The following RPL28 variants were observed in gnomAD, a reference collection of about 807,000 sequenced individuals.
The protein encoded by RPL28 is ribosomal protein L28.
A neutral mutation model predicts 12.5 loss-of-function variants in RPL28; 4 were observed. The observed-to-expected ratio is 0.32, with a 90% CI of 0.16 to 0.73. The LOEUF is 0.73. Ranked by LOEUF, RPL28 falls within the 30% of genes least tolerant of loss-of-function variation. The pLI is 0.66. For synonymous variants in RPL28, 91 were observed against 72.5 expected (o/e 1.26, Z -1.30); for missense variants, 214 against 197.7 (o/e 1.08, Z -0.49).
At chr19:55,392,146 G>A (rs1489696592), downstream of RPL28, 1 of 985,446 alleles carries the variant, frequency 1.0e-6, no homozygotes, top group Non-Finnish European at 1.2e-6. Context: ...AGAGTATGCA[G>A]GGGAAGAAAA....
chr19:55,391,921 T>C lies in RPL28; in HGVS notation c.*3589T>C, dbSNP rs764472663. Reference sequence around the variant, plus strand: ...TGGTGGCTCCAGGTCTGCCCCGCCGTCCTGTGGGGCTGTGAGCTTTCCCAG... The same window carrying C: ...TGGTGGCTCCAGGTCTGCCCCGCCGCCCTGTGGGGCTGTGAGCTTTCCCAG... On this transcript the variant is annotated 3_prime_UTR_variant, in exon 5 of 5. Coordinates refer to ENST00000344063, the MANE Select transcript of RPL28 (RefSeq NM_000991.5). The C allele has an allele frequency of 5.3e-5, 68 of 1,289,188 alleles. No individual in the cohort carries two copies. The highest frequency in any genetic ancestry group is 6.5e-5 in the Non-Finnish European group (66 of 1,013,386). 79.9% of individuals were successfully genotyped at this position (1,289,188 alleles called of 1,614,324 possible).
Position 55,389,004 on chromosome 19 carries a change from C to T in RPL28, c.*672C>T, listed in dbSNP as rs1569041836. On this transcript the variant is annotated 3_prime_UTR_variant, in exon 5 of 5. Coordinates refer to ENST00000344063, the MANE Select transcript of RPL28 (RefSeq NM_000991.5). Reference sequence around the variant, plus strand: ...AGGTGTCCCCATCCCTCCCCTGTCTCTTTGAGCTGGCTCTTGTCACTTAGG... The same window carrying T: ...AGGTGTCCCCATCCCTCCCCTGTCTTTTTGAGCTGGCTCTTGTCACTTAGG... 1 of 985,448 alleles carries T rather than the reference C, an allele frequency of 1.0e-6. No homozygotes were observed. Among genetic ancestry groups the T allele is most frequent in the African/African-American group, 1.7e-5 (1 of 57,232 alleles). The allele number at this position is 985,448 out of a possible 1,614,324, so 61.0% of individuals were successfully genotyped here. A position where few individuals can be genotyped will look rare whatever the true frequency, so the allele number is the denominator to read the frequency against.
Position 55,387,607 on chromosome 19 carries a change from A to G in RPL28, c.206-323A>G, listed in dbSNP as rs1283311550. 5.7e-6 allele frequency: 8 copies of G among 1,400,698 alleles called. No individual in the cohort carries two copies. The South Asian group carries it at 9.9e-5, about 17-fold the overall frequency. 86.8% of individuals were successfully genotyped at this position (1,400,698 alleles called of 1,614,324 possible). A position where few individuals can be genotyped will look rare whatever the true frequency, so the allele number is the denominator to read the frequency against. ...GGTTCCTGGGAAGCTGTTCATACCCATTGCCAGGAGCGTGGGCTCTGGCTG... is the reference window on the plus strand; with the variant it reads ...GGTTCCTGGGAAGCTGTTCATACCCGTTGCCAGGAGCGTGGGCTCTGGCTG... On this transcript the variant is annotated intron_variant, in intron 3 of 4. Coordinates refer to ENST00000344063, the MANE Select transcript of RPL28 (RefSeq NM_000991.5).
intron 2 of RPL28, 25 bp from the exon 3 acceptor site, chr19:55,386,545 A>G (rs369376416): frequency 2.1e-5 from 33 of 1,600,770 alleles, no homozygotes; most frequent in Middle Eastern, 1.7e-4. Context: ...CTTATTCACG[A>G]TGCCTTGTGC....
intron 1 of RPL28, 184 bp downstream of exon 1, chr19:55,386,149 G>C: frequency 1.7e-6 from 1 of 580,132 alleles, no homozygotes; most frequent in East Asian, 2.8e-5. Flanking sequence ...AGCTAGTCTC[G>C]GCTGCCTGAA....
At position 55,391,444 on chromosome 19, in the gene RPL28, C is replaced by CTGCATG; in HGVS notation, c.*3112_*3113insTGCATG. 1 of 1,346,402 alleles carries CTGCATG rather than the reference C, an allele frequency of 7.4e-7. No individual in the cohort carries two copies. Among genetic ancestry groups the CTGCATG allele is most frequent in the Non-Finnish European group, 9.6e-7 (1 of 1,041,860 alleles). 83.4% of individuals were successfully genotyped at this position (1,346,402 alleles called of 1,614,324 possible). On this transcript the variant is annotated 3_prime_UTR_variant, in exon 5 of 5. Transcript: ENST00000344063. Reference sequence around the variant, plus strand: ...GTCCAGTAGCTGCATGGTGAGTGAGCGTAGGGCGCACCCTGGAAGGCTGCC... The same window carrying CTGCATG: ...GTCCAGTAGCTGCATGGTGAGTGAGCTGCATGGTAGGGCGCACCCTGGAAGGCTGCC...
chr19:55,398,793 C>G (rs548440381), intron 4 of RPL28, among the ~76,000 whole-genome samples: 1 of 149,970 alleles, frequency 6.7e-6, no homozygotes, highest in South Asian at 2.1e-4. Flanking sequence ...TCTCTGCCTC[C>G]TGGGTTGAAG....
At chr19:55,399,866 A>T (rs1163542595) in intron 4 of RPL28, 1 of 152,208 alleles carries the variant, frequency 6.6e-6, no homozygotes, top group Non-Finnish European at 1.5e-5. Context: ...GAAATGGTTG[A>T]CGATAAACGC....
At position 55,388,827 on chromosome 19, in the gene RPL28, TTGGAGGGGA is replaced by T; in HGVS notation, c.*499_*507del. On this transcript the variant is annotated 3_prime_UTR_variant, in exon 5 of 5. Coordinates refer to ENST00000344063, the MANE Select transcript of RPL28 (RefSeq NM_000991.5). ...ATCCAGGGAGTGGGTGCAGCCACAT[TTGGAGGGGA>T]TGGGCTTTACTTGATGCAACCTCAT... 1.0e-6 allele frequency: 1 copy of T among 987,930 alleles called. No homozygotes were observed. Among genetic ancestry groups the T allele is most frequent in the Non-Finnish European group, 1.2e-6 (1 of 831,724 alleles). The allele number at this position is 987,930 out of a possible 1,614,324, so 61.2% of individuals were successfully genotyped here.
chr19:55,387,381 C>T (rs940595516), intron 3 of RPL28: 73 of 1,551,212 alleles, frequency 4.7e-5, no homozygotes, highest in East Asian at 3.9e-4. Context: ...GCTAGTGATC[C>T]TCCTGTCTCA....
chr19:55,390,679 C>T lies in RPL28; in HGVS notation c.*2347C>T. 3.0e-6 allele frequency: 3 copies of T among 985,422 alleles called. No homozygotes were observed. The highest frequency in any genetic ancestry group is 3.6e-6 in the Non-Finnish European group (3 of 829,952). The allele number at this position is 985,422 out of a possible 1,614,324, so 61.0% of individuals were successfully genotyped here. ...CCGTAACACAGCCCAGCTTAGTGGGCCTCTGTTCCTGCGGGTGGCCAGCCT... is the reference window on the plus strand; with the variant it reads ...CCGTAACACAGCCCAGCTTAGTGGGTCTCTGTTCCTGCGGGTGGCCAGCCT... On this transcript the variant is annotated 3_prime_UTR_variant, in exon 5 of 5. Transcript: ENST00000344063.
intron 4 of RPL28, chr19:55,402,795 G>A (rs538326443): frequency 5.5e-4 from 352 of 635,754 alleles, no homozygotes; most frequent in African/African-American, 2.6e-3. Context: ...GAAGGGAGGC[G>A]GTACATGTGG....
chr19:55,387,610 G>A (rs2089945185), intron 3 of RPL28: 2 of 1,402,782 alleles, frequency 1.4e-6, no homozygotes, highest in African/African-American at 2.9e-5. Context: ...CATACCCATT[G>A]CCAGGAGCGT....
At chr19:55,395,822 C>T (rs760050682), downstream of RPL28, among the ~76,000 whole-genome samples, 5 of 152,132 alleles carry the variant, frequency 3.3e-5, no homozygotes, top group Non-Finnish European at 7.4e-5. Context: ...AACCAGTTCC[C>T]TTGATCAGGG....
In RPL28 at chr19:55,386,295, A is replaced by C. The variant is rs550367975; in HGVS notation, c.-8-55A>C. ...GCTGTCCGAGCGTGGCCCGTGGCCT[A>C]ACGCTGCTTTAGTTCTCTGTGTCTG... On this transcript the variant is annotated intron_variant, in intron 1 of 4. Coordinates refer to ENST00000344063, the MANE Select transcript of RPL28 (RefSeq NM_000991.5). 2.4e-5 allele frequency: 37 copies of C among 1,552,236 alleles called. 1 individual carries two copies. In the African/African-American group the frequency reaches 4.3e-4, roughly 18 times the overall value.
At chr19:55,386,753 T>C in intron 3 of RPL28, 60 bp downstream of exon 3, 1 of 1,602,230 alleles carries the variant, frequency 6.2e-7, no homozygotes, top group Middle Eastern at 1.7e-4. Flanking sequence ...GGAGCTGTGA[T>C]TTTTTACTGT....
chr19:55,394,748 T>C (rs187924975), downstream of RPL28, among the ~76,000 whole-genome samples: 45 of 152,040 alleles, frequency 3.0e-4, no homozygotes, highest in African/African-American at 1.1e-3. Flanking sequence ...ATTTTTAAAA[T>C]TGTTTTGTAG....
At chr19:55,397,422 C>T (rs1245662793) in intron 4 of RPL28, among the ~76,000 whole-genome samples, 2 of 152,142 alleles carry the variant, frequency 1.3e-5, no homozygotes, top group South Asian at 2.1e-4. Context: ...CTCTGTCTCC[C>T]AGGCTGGAGT....
Position 55,391,376 on chromosome 19 carries a change from A to G in RPL28, c.*3044A>G, listed in dbSNP as rs1048849073. ...TTGAGTGCCTTTCACAGCCCTGCATAAGGCAGGTGTCTCAGTGTTCACTGC... is the reference window on the plus strand; with the variant it reads ...TTGAGTGCCTTTCACAGCCCTGCATGAGGCAGGTGTCTCAGTGTTCACTGC... On this transcript the variant is annotated 3_prime_UTR_variant, in exon 5 of 5. Transcript: ENST00000344063. 1.1e-4 allele frequency: 139 copies of G among 1,239,324 alleles called. No homozygotes were observed. Among genetic ancestry groups the G allele is most frequent in the Middle Eastern group, 6.1e-4 (2 of 3,260 alleles). 76.8% of individuals were successfully genotyped at this position (1,239,324 alleles called of 1,614,324 possible).
Sources: allele counts gnomAD v4.1 joint callset (sites outside exome capture counted in the v4.1 genomes callset), GRCh38; gene constraint gnomAD v4.1.1; transcripts MANE v1.5; gene names NCBI Gene and HGNC (gene_info 2026-07-23, HGNC 2026-07-21).